DERA: variants seen among roughly 807,000 people sequenced by gnomAD.
The protein encoded by DERA is deoxyribose-phosphate aldolase.
DERA carries 15 observed loss-of-function variants against 41.1 expected under a neutral mutation model. The observed-to-expected ratio is 0.37, with a 90% CI of 0.24 to 0.56. The LOEUF is 0.56. DERA is among the 20% of genes least tolerant of loss of function. The pLI, the probability that DERA is intolerant of heterozygous loss-of-function variation, is 0.81. For synonymous variants in DERA, 139 were observed against 137.4 expected, an observed-to-expected ratio of 1.01 and a Z score of -0.08; for missense variants, 396 against 403.4, an observed-to-expected ratio of 0.98 and a Z score of 0.16.
chr12:15,962,990 C>G (rs768380705), intron 5 of DERA, 43 bp downstream of exon 5: 2 of 1,580,826 alleles, frequency 1.3e-6, no homozygotes, highest in South Asian at 2.3e-5. Context: ...CCATTCTTCC[C>G]TGGTGAATCA....
chr12:16,024,070 T>C (rs1342754201), intron 6 of DERA, among the ~76,000 whole-genome samples: 1 of 151,978 alleles, frequency 6.6e-6, no homozygotes, highest in African/African-American at 2.4e-5. Context: ...ACCTTAAAGA[T>C]AGGTCAATAG....
intron 1 of DERA, chr12:15,916,064 A>G (rs1033374808): frequency 3.3e-5 from 5 of 152,234 alleles, no homozygotes; most frequent in Non-Finnish European, 5.9e-5. Context: ...TTGTCTGTTT[A>G]AAACATAAAG....
intron 7 of DERA, among the ~76,000 whole-genome samples, chr12:16,033,575 G>A (rs1949107377): frequency 7.4e-6 from 1 of 135,384 alleles, no homozygotes; most frequent in Admixed American, 8.3e-5. Context: ...TGATTGGAGA[G>A]CAAGGTTGTG....
At chr12:15,917,829 T>C (rs566685057) in intron 1 of DERA, among the ~76,000 whole-genome samples, 1 of 152,290 alleles carries the variant, frequency 6.6e-6, no homozygotes, top group South Asian at 2.1e-4. Context: ...CAGCCAGTTC[T>C]CCAGGCAGCA....
rs1039689513 is a variant in DERA at position 15,970,524 on chromosome 12, A to G, written c.508+7577A>G. ...TTTCAGGTGGATCCTAGAGAGAAGA[A>G]AGTTAATTTTATTTATTTATTTATA... On this transcript the variant is annotated intron_variant, in intron 5 of 8. Transcript: ENST00000428559. This position sits in a 1 kb window ranked among gnomAD's most constrained non-coding sequence, Gnocchi z 4.3. Among the ~76,000 whole-genome samples, 1 of 152,102 alleles carries G rather than the reference A, an allele frequency of 6.6e-6. No homozygotes were observed. Among genetic ancestry groups the G allele is most frequent in the Non-Finnish European group, 1.5e-5 (1 of 68,020 alleles).
rs1271786423 is a variant in DERA, at chr12:16,000,160, A to G, written c.637+17724A>G. 6.6e-6 allele frequency among the ~76,000 whole-genome samples: 1 copy of G among 152,066 alleles called. No individual in the cohort carries two copies. Among genetic ancestry groups the G allele is most frequent in the Non-Finnish European group, 1.5e-5 (1 of 68,014 alleles). On this transcript the variant is annotated intron_variant, in intron 6 of 8. Transcript: ENST00000428559. This position sits in a 1 kb window ranked among gnomAD's most constrained non-coding sequence, Gnocchi z 4.8. Reference sequence around the variant, plus strand: ...AATGGTGCCATTTGTCAGGATAGGGAATTTAAGAGGACGAAGTCTTTTTCC... The same window carrying G: ...AATGGTGCCATTTGTCAGGATAGGGGATTTAAGAGGACGAAGTCTTTTTCC...
rs1379131977 is a variant in DERA, at chr12:16,004,280, A to T, written c.637+21844A>T. 6.6e-6 allele frequency among the ~76,000 whole-genome samples: 1 copy of T among 152,234 alleles called. No individual in the cohort carries two copies. Among genetic ancestry groups the T allele is most frequent in the Non-Finnish European group, 1.5e-5 (1 of 68,040 alleles). On this transcript the variant is annotated intron_variant, in intron 6 of 8. Transcript: ENST00000428559. The surrounding 1 kb of genome is among the most constrained non-coding windows in gnomAD (Gnocchi z 4.2). The stretch of plus-strand genomic sequence containing the variant: ...AGCCAAGTATTCAAAATATAAATAG[A>T]TGCAGAGAAAAAATCAAAAGCACAT...
At chr12:15,963,410 A>C (rs1948601505) in intron 5 of DERA, among the ~76,000 whole-genome samples, 1 of 152,196 alleles carries the variant, frequency 6.6e-6, no homozygotes. Flanking sequence ...TAAGTTGACT[A>C]AGTTTATTTT....
intron 6 of DERA, among the ~76,000 whole-genome samples, chr12:16,023,468 A>T (rs1361087923): frequency 6.7e-6 from 1 of 149,370 alleles, no homozygotes; most frequent in Non-Finnish European, 1.5e-5. Flanking sequence ...AAAAAAACTC[A>T]AAGTCTTTTT....
At position 16,035,855 on chromosome 12, in the gene DERA, G is replaced by A. The variant is rs74063624; in HGVS notation, c.751-377G>A. On this transcript the variant is annotated intron_variant, in intron 7 of 8. Transcript: ENST00000428559. This position sits in a 1 kb window ranked among gnomAD's most constrained non-coding sequence, Gnocchi z 4.1. ...ACTCTACAGGCTTACTTGTGGAAAT[G>A]TAGAATGAGTGGGCTTTGCTTTTGT... Among the ~76,000 whole-genome samples, 2,913 of 152,316 alleles carry A rather than the reference G, an allele frequency of 0.019. 101 individuals carry two copies. The highest frequency in any genetic ancestry group is 0.067 in the African/African-American group (2,788 of 41,556).
chr12:15,941,758 T>C lies in DERA; in HGVS notation c.32-15178T>C, dbSNP rs1948410619. On this transcript the variant is annotated intron_variant, in intron 1 of 8. Transcript: ENST00000428559. This position sits in a 1 kb window ranked among gnomAD's most constrained non-coding sequence, Gnocchi z 4.5. ...TGATGTATATATACCACATTTTCTT[T>C]ATCCACTTATTGATTCATGGGCACT... Among the ~76,000 whole-genome samples, 1 of 152,238 alleles carries C rather than the reference T, an allele frequency of 6.6e-6. No homozygotes were observed.
At chr12:15,946,136 T>G (rs1164808000) in intron 1 of DERA, among the ~76,000 whole-genome samples, 1 of 152,210 alleles carries the variant, frequency 6.6e-6, no homozygotes, top group Non-Finnish European at 1.5e-5. Context: ...TTGCCAGTAT[T>G]TTATTGAGGA....
chr12:16,025,403 A>G (rs1949046686), intron 6 of DERA, among the ~76,000 whole-genome samples: 1 of 152,114 alleles, frequency 6.6e-6, no homozygotes, highest in Non-Finnish European at 1.5e-5. Flanking sequence ...GGGAGTAGCT[A>G]TATGAATTTC....
Position 16,008,492 on chromosome 12 carries a change from C to T in DERA, c.638-24050C>T, listed in dbSNP as rs1948927705. Among the ~76,000 whole-genome samples the T allele has an allele frequency of 6.6e-6, 1 of 152,122 alleles. No individual in the cohort carries two copies. Among genetic ancestry groups the T allele is most frequent in the Non-Finnish European group, 1.5e-5 (1 of 68,016 alleles). On this transcript the variant is annotated intron_variant, in intron 6 of 8. Transcript: ENST00000428559. This position sits in a 1 kb window ranked among gnomAD's most constrained non-coding sequence, Gnocchi z 4.8. ...TGTGTGAGGGAAGGATAACTCGTGT[C>T]CCTGGTTGCAGAGTCTGAGTGATCC...
Position 15,984,902 on chromosome 12 carries a change from A to T in DERA, c.637+2466A>T. On this transcript the variant is annotated intron_variant, in intron 6 of 8. Transcript: ENST00000428559. This position sits in a 1 kb window ranked among gnomAD's most constrained non-coding sequence, Gnocchi z 4.5. ...TTTTATATGTAACTTGCACAAACTA[A>T]TCTCCCCAAAAGTAATTTACAAATT... Among the ~76,000 whole-genome samples, 1 of 152,188 alleles carries T rather than the reference A, an allele frequency of 6.6e-6. No homozygotes were observed. The highest frequency in any genetic ancestry group is 2.4e-5 in the African/African-American group (1 of 41,456).
rs1948842680 is a variant in DERA, at chr12:15,996,994, T to A, written c.637+14558T>A. ...TTGCTTATGAGCAAGAGACAGATAC[T>A]AACAGTAGAAGGAAATACTTTTTAG... On this transcript the variant is annotated intron_variant, in intron 6 of 8. Transcript: ENST00000428559. The surrounding 1 kb of genome is among the most constrained non-coding windows in gnomAD (Gnocchi z 4.7). Among the ~76,000 whole-genome samples, 1 of 152,200 alleles carries A rather than the reference T, an allele frequency of 6.6e-6. No homozygotes were observed. The highest frequency in any genetic ancestry group is 2.1e-4 in the South Asian group (1 of 4,824).
rs1288351001 is a variant in DERA, at chr12:16,010,469, G to A, written c.638-22073G>A. 6.6e-6 allele frequency among the ~76,000 whole-genome samples: 1 copy of A among 151,216 alleles called. No homozygotes were observed. The highest frequency in any genetic ancestry group is 1.5e-5 in the Non-Finnish European group (1 of 67,958). ...TTTACCCATAGATGAGGTTTTCCGA[G>A]TTCTGCTGCTTTCCCCTTTGCCAGC... On this transcript the variant is annotated intron_variant, in intron 6 of 8. Coordinates refer to ENST00000428559, the MANE Select transcript of DERA (RefSeq NM_015954.4). This position sits in a 1 kb window ranked among gnomAD's most constrained non-coding sequence, Gnocchi z 5.5.
intron 1 of DERA, chr12:15,916,102 T>C (rs1326702203): frequency 6.6e-6 from 1 of 152,222 alleles, no homozygotes; most frequent in Non-Finnish European, 1.5e-5. Context: ...ATAACCCACA[T>C]CTTAACCATT....
chr12:16,029,793 A>G (rs1286071723), intron 6 of DERA, among the ~76,000 whole-genome samples: 1 of 151,578 alleles, frequency 6.6e-6, no homozygotes, highest in African/African-American at 2.4e-5. Context: ...TCCCAAATAT[A>G]TTAGAAAGAG....
Sources: allele counts gnomAD v4.1 joint callset (sites outside exome capture counted in the v4.1 genomes callset), GRCh38; gene constraint gnomAD v4.1.1; non-coding constraint Gnocchi (gnomAD v3.1); transcripts MANE v1.5; gene names NCBI Gene and HGNC (gene_info 2026-07-23, HGNC 2026-07-21).